MERTK: variants seen among roughly 807,000 people sequenced by gnomAD.
MERTK encodes the protein tyrosine-protein kinase Mer.
MERTK carries 69 observed loss-of-function variants against 99.3 expected under a neutral mutation model. That is an observed-to-expected ratio of 0.70 (90% CI 0.57 to 0.85). The LOEUF (loss-of-function observed/expected upper bound fraction) is 0.85. Among genes scored for constraint, MERTK ranks in the 40% least tolerant of loss-of-function variants. The pLI is 0.00. For missense variants in MERTK, 1,125 were observed against 1,249.4 expected (o/e 0.90, Z 1.50); for synonymous variants, 426 against 467.6 (o/e 0.91, Z 1.15).
At chr2:111,986,062 C>T (rs1054329781) in intron 8 of MERTK, among the ~76,000 whole-genome samples, 2 of 152,156 alleles carry the variant, frequency 1.3e-5, no homozygotes, top group Non-Finnish European at 2.9e-5. Context: ...ATTTTAATTT[C>T]CCTGCCTCAG....
At chr2:111,907,422 A>C (rs10496440) in intron 1 of MERTK, among the ~76,000 whole-genome samples, 8,205 of 152,356 alleles carry the variant, frequency 0.054, 288 homozygotes, top group Middle Eastern at 0.11. Context: ...ATCAAAAAAA[A>C]GAGTGATGCT....
intron 1 of MERTK, among the ~76,000 whole-genome samples, chr2:111,925,212 A>G (rs1451551836): frequency 6.7e-6 from 1 of 148,792 alleles, no homozygotes; most frequent in Non-Finnish European, 1.5e-5. Context: ...GAGGTGCTAT[A>G]TAAATATCTG....
intron 15 of MERTK, among the ~76,000 whole-genome samples, chr2:112,012,325 T>C (rs35757708): frequency 0.26 from 31,970 of 124,934 alleles, 3,803 homozygotes; most frequent in Middle Eastern, 0.44. Flanking sequence ...CACCCAGTCA[T>C]TGAGCATCTT....
chr2:111,956,024 G>T (rs1263841256), intron 4 of MERTK, among the ~76,000 whole-genome samples: 1 of 151,584 alleles, frequency 6.6e-6, no homozygotes, highest in Non-Finnish European at 1.5e-5. Context: ...TGTAAATGAC[G>T]AGTTGATGGA....
At chr2:111,973,958 A>G (rs1247606687) in intron 6 of MERTK, among the ~76,000 whole-genome samples, 1 of 135,114 alleles carries the variant, frequency 7.4e-6, no homozygotes, top group African/African-American at 2.7e-5. Context: ...TTTCTGAAGG[A>G]GGGGCAAATG....
chr2:111,980,470 C>G lies in MERTK; in HGVS notation c.1145-2372C>G, dbSNP rs375468930. ...GTCTCGCTCTTTCGCCCAGGCCGGA[C>G]TGCAGTGGCACAATCTCGGCTCACT... On this transcript the variant is annotated intron_variant, in intron 7 of 18. Transcript: ENST00000295408. 4.8e-5 allele frequency among the ~76,000 whole-genome samples: 7 copies of G among 144,336 alleles called. No individual in the cohort carries two copies. In the East Asian group the frequency reaches 6.2e-4, roughly 13 times the overall value. 94.7% of individuals were successfully genotyped at this position (144,336 alleles called of 152,430 possible). A position where few individuals can be genotyped will look rare whatever the true frequency, so the allele number is the denominator to read the frequency against.
intron 7 of MERTK, among the ~76,000 whole-genome samples, chr2:111,978,129 TATGTTTTG>T (rs1676291548): frequency 7.1e-6 from 1 of 140,504 alleles, no homozygotes; most frequent in Admixed American, 7.1e-5. Flanking sequence ...TTTTTTTTTT[TATGTTTTG>T]TTTTTTGGTT....
At position 111,953,100 on chromosome 2, in the gene MERTK, A is replaced by G. The variant is rs538808902; in HGVS notation, c.757+5533A>G. 2.6e-5 allele frequency among the ~76,000 whole-genome samples: 4 copies of G among 152,318 alleles called. No individual in the cohort carries two copies. The East Asian group carries it at 7.7e-4, about 29-fold the overall frequency. ...TGACCAGTAGGAGAGCACTTGCGGC[A>G]GCATTCACCAGAAGGTGCTTCTGAA... On this transcript the variant is annotated intron_variant, in intron 4 of 18. Transcript: ENST00000295408.
intron 16 of MERTK, chr2:112,020,634 A>G (rs1378870084): frequency 2.1e-6 from 1 of 471,126 alleles, no homozygotes; most frequent in South Asian, 1.5e-5. Flanking sequence ...CAAGAAGCCC[A>G]GCATCTTGCT....
chr2:111,979,597 T>G (rs527593474), intron 7 of MERTK, among the ~76,000 whole-genome samples: 1 of 152,260 alleles, frequency 6.6e-6, no homozygotes, highest in East Asian at 1.9e-4. Flanking sequence ...CGATTGTTAA[T>G]TAGACCTCTT....
At chr2:112,003,859 G>A (rs370720853) in intron 12 of MERTK, 45 bp from the exon 13 acceptor site, 22 of 1,483,964 alleles carry the variant, frequency 1.5e-5, no homozygotes, top group Non-Finnish European at 1.8e-5. Flanking sequence ...TGTGGTCAGG[G>A]AAGAGTTTGC....
intron 8 of MERTK, among the ~76,000 whole-genome samples, chr2:111,986,113 TG>T (rs1476915584): frequency 6.6e-6 from 1 of 152,196 alleles, no homozygotes; most frequent in Non-Finnish European, 1.5e-5. Flanking sequence ...CAGTAGGTGA[TG>T]GAAGTAGAGA....
At chr2:111,899,620 C>T (rs910980616) in intron 1 of MERTK, among the ~76,000 whole-genome samples, 1 of 151,978 alleles carries the variant, frequency 6.6e-6, no homozygotes. Flanking sequence ...CGGGTTCAAG[C>T]GATTCTCCTG....
In MERTK at chr2:111,954,872, C is replaced by T. The variant is rs145370147; in HGVS notation, c.757+7305C>T. ...GTTGCTGACTGTTCCCTTGTGTCTGCGTTTTGTAACATTATAAAAGAACTA... is the reference window on the plus strand; with the variant it reads ...GTTGCTGACTGTTCCCTTGTGTCTGTGTTTTGTAACATTATAAAAGAACTA... On this transcript the variant is annotated intron_variant, in intron 4 of 18. Transcript: ENST00000295408. Among the ~76,000 whole-genome samples, 592 of 152,198 alleles carry T rather than the reference C, an allele frequency of 3.9e-3. 4 individuals are homozygous for T. The highest frequency in any genetic ancestry group is 0.012 in the African/African-American group (490 of 41,520).
At chr2:111,917,481 C>A (rs1401422552) in intron 1 of MERTK, among the ~76,000 whole-genome samples, 2 of 152,200 alleles carry the variant, frequency 1.3e-5, no homozygotes, top group Non-Finnish European at 2.9e-5. Context: ...AGCTCCTAGT[C>A]TAGGACATAT....
intron 2 of MERTK, among the ~76,000 whole-genome samples, chr2:111,931,484 G>A (rs1684669916): frequency 6.6e-6 from 1 of 152,110 alleles, no homozygotes; most frequent in South Asian, 2.1e-4. Context: ...TCAAGAGATC[G>A]AGACCATCCT....
chr2:112,022,134 A>G (rs1464639571), intron 17 of MERTK, 124 bp from the exon 18 acceptor site: 9 of 1,361,064 alleles, frequency 6.6e-6, no homozygotes, highest in Non-Finnish European at 9.3e-6. Flanking sequence ...AGTGCGTCTC[A>G]CACATAATTG....
chr2:111,927,142 T>A (rs1684582991), intron 1 of MERTK, among the ~76,000 whole-genome samples: 1 of 152,180 alleles, frequency 6.6e-6, no homozygotes, highest in South Asian at 2.1e-4. Context: ...TGTATCCTTG[T>A]AGGAAAATCT....
intron 1 of MERTK, among the ~76,000 whole-genome samples, chr2:111,927,872 C>T (rs1174599392): frequency 6.6e-6 from 1 of 152,110 alleles, no homozygotes; most frequent in Non-Finnish European, 1.5e-5. Flanking sequence ...ACTGTGTACC[C>T]CCAGTCACCA....
Sources: allele counts gnomAD v4.1 joint callset (sites outside exome capture counted in the v4.1 genomes callset), GRCh38; gene constraint gnomAD v4.1.1; transcripts MANE v1.5; gene names NCBI Gene and HGNC (gene_info 2026-07-23, HGNC 2026-07-21).